LRRC7: variants seen among roughly 807,000 people sequenced by gnomAD.
LRRC7 encodes the protein leucine rich repeat containing 7.
A neutral mutation model predicts 175.7 loss-of-function variants in LRRC7; 23 were observed. The observed-to-expected ratio is 0.13, with a 90% CI of 0.09 to 0.19. LRRC7 has a LOEUF of 0.19. LRRC7 is among the 10% of genes least tolerant of loss of function. LRRC7 has a pLI of 1.00. For synonymous variants in LRRC7, 685 were observed against 680.9 expected, an observed-to-expected ratio of 1.01 and a Z score of -0.09; for missense variants, 1,354 against 1,904.7, an observed-to-expected ratio of 0.71 and a Z score of 5.38.
chr1:69,718,172 G>GAAAGAAAGAAAGAAAGAAAGA (rs762929332), intron 2 of LRRC7, among the ~76,000 whole-genome samples: 2 of 142,890 alleles, frequency 1.4e-5, no homozygotes, highest in African/African-American at 5.2e-5. Flanking sequence ...AAGAAAGAAA[G>GAAAGAAAGAAAGAAAGAAAGA]AAGAAAAGAA....
At chr1:69,623,712 G>A (rs949287566) in intron 1 of LRRC7, among the ~76,000 whole-genome samples, 5 of 151,952 alleles carry the variant, frequency 3.3e-5, no homozygotes, top group Non-Finnish European at 7.4e-5. Flanking sequence ...CAGCACGCCC[G>A]GCTAATTTTG....
At chr1:70,050,094 TGC>T (rs2102056612) in intron 22 of LRRC7, among the ~76,000 whole-genome samples, 1 of 147,918 alleles carries the variant, frequency 6.8e-6, no homozygotes, top group East Asian at 2.0e-4. Flanking sequence ...GTGACTACTG[TGC>T]ACACACATGT....
chr1:69,622,709 A>G (rs1200214772), intron 1 of LRRC7, among the ~76,000 whole-genome samples: 1 of 152,190 alleles, frequency 6.6e-6, no homozygotes, highest in Non-Finnish European at 1.5e-5. Flanking sequence ...TCAAGGTCTC[A>G]GGAGAAGTAA....
Position 70,089,796 on chromosome 1 carries a change from A to G in LRRC7, c.4522A>G (p.Asn1508Asp). The part of the protein sequence containing the change: ...SISGGISGQG[N>D]PFKPSDKGIF... ...CAGTGGTGGAATTAGTGGACAAGGA[A>G]ATCCATTCAAACCTTCTGACAAGGT... Residue 1508 changes from asparagine to aspartate, a missense_variant, in exon 25 of 27, where the codon AAT becomes GAT. Asn to Asp is a conservative substitution (Grantham distance 23). Coordinates refer to ENST00000651989, the MANE Select transcript of LRRC7 (RefSeq NM_001370785.2). The G allele has an allele frequency of 6.2e-7, 1 of 1,607,956 alleles. No individual in the cohort carries two copies. The highest frequency in any genetic ancestry group is 8.5e-7 in the Non-Finnish European group (1 of 1,175,614).
chr1:69,963,505 G>A (rs914046842), intron 8 of LRRC7, among the ~76,000 whole-genome samples: 2 of 152,114 alleles, frequency 1.3e-5, no homozygotes, highest in Non-Finnish European at 2.9e-5. Context: ...AAGGCCTAGT[G>A]GGGGCTTTGT....
chr1:69,821,212 C>T (rs1679254713), intron 4 of LRRC7, among the ~76,000 whole-genome samples: 1 of 151,976 alleles, frequency 6.6e-6, no homozygotes, highest in South Asian at 2.1e-4. Flanking sequence ...TTTCTATAAT[C>T]CTTATTTTAT....
At chr1:69,625,624 C>G (rs1241991842) in intron 1 of LRRC7, among the ~76,000 whole-genome samples, 2 of 152,016 alleles carry the variant, frequency 1.3e-5, no homozygotes, top group Non-Finnish European at 2.9e-5. Context: ...AAACACCTCA[C>G]AAGTTTGGCT....
At chr1:69,662,264 A>T (rs1195543817) in intron 1 of LRRC7, among the ~76,000 whole-genome samples, 1 of 116,318 alleles carries the variant, frequency 8.6e-6, no homozygotes, top group African/African-American at 2.7e-5. Context: ...CATTCATTCA[A>T]TCATTTAAAA....
rs1318366635 is a variant in LRRC7 at position 69,734,388 on chromosome 1, TATC to T, written c.101-25800_101-25798del. ...ACATAGCAAAGATTTTTTAAATAAA[TATC>T]ATTTTAATTAAAAAATTATAATACA... is the stretch of plus-strand genomic sequence containing the variant. On this transcript the variant is annotated intron_variant, in intron 2 of 26. Coordinates refer to ENST00000651989, the MANE Select transcript of LRRC7 (RefSeq NM_001370785.2). Among the ~76,000 whole-genome samples, 3 of 152,020 alleles carry T rather than the reference TATC, an allele frequency of 2.0e-5. No individual in the cohort carries two copies. In the East Asian group the frequency reaches 5.8e-4, roughly 29 times the overall value.
At chr1:69,970,043 A>G (rs1023000122) in intron 8 of LRRC7, among the ~76,000 whole-genome samples, 1 of 152,208 alleles carries the variant, frequency 6.6e-6, no homozygotes, top group African/African-American at 2.4e-5. Flanking sequence ...TGGGTCAAAA[A>G]CAAAATCAAG....
At chr1:69,708,425 C>T (rs922658610) in intron 2 of LRRC7, among the ~76,000 whole-genome samples, 30 of 152,022 alleles carry the variant, frequency 2.0e-4, no homozygotes, top group African/African-American at 7.2e-4. Flanking sequence ...TAAAATATAC[C>T]ACATACCTTA....
In LRRC7 at chr1:70,136,183, G is replaced by A. The variant is rs1248941777; in HGVS notation, c.*14296G>A. On this transcript the variant is annotated 3_prime_UTR_variant, in exon 27 of 27. Transcript: ENST00000651989. Reference sequence around the variant, plus strand: ...ATAGTTACTATCCCTGTCACCTAGGGCCCTAGGTCATCATAAACTACTCAA... The same window carrying A: ...ATAGTTACTATCCCTGTCACCTAGGACCCTAGGTCATCATAAACTACTCAA... Among the ~76,000 whole-genome samples, 1 of 151,368 alleles carries A rather than the reference G, an allele frequency of 6.6e-6. No individual in the cohort carries two copies. Among genetic ancestry groups the A allele is most frequent in the Non-Finnish European group, 1.5e-5 (1 of 67,912 alleles).
chr1:69,568,543 C>T lies in LRRC7; in HGVS notation c.-97C>T. ...TCTTCTCCTCCGAAGACCCTGGCGC[C>T]CACTCCACTGCGGACCCCTGAACAC... On this transcript the variant is annotated 5_prime_UTR_variant, in exon 1 of 27. Coordinates refer to ENST00000651989, the MANE Select transcript of LRRC7 (RefSeq NM_001370785.2). 8.3e-7 allele frequency: 1 copy of T among 1,205,530 alleles called. No individual in the cohort carries two copies. Among genetic ancestry groups the T allele is most frequent in the Non-Finnish European group, 1.1e-6 (1 of 900,670 alleles). 74.7% of individuals were successfully genotyped at this position (1,205,530 alleles called of 1,614,324 possible).
intron 21 of LRRC7, 96 bp from the exon 22 acceptor site, chr1:70,043,858 A>G: frequency 1.4e-6 from 2 of 1,415,424 alleles, no homozygotes; most frequent in Non-Finnish European, 1.9e-6. Context: ...TTGCCTGCCT[A>G]AAGTTAAATG....
At chr1:69,961,990 G>A (rs1651142990) in intron 8 of LRRC7, among the ~76,000 whole-genome samples, 1 of 151,966 alleles carries the variant, frequency 6.6e-6, no homozygotes, top group Non-Finnish European at 1.5e-5. Flanking sequence ...TTAACAAATG[G>A]GATCTAATTA....
At position 69,717,842 on chromosome 1, in the gene LRRC7, A is replaced by AAAG. The variant is rs1301538440; in HGVS notation, c.100+39367_100+39369dup. ...AGAAAGAAAGAAAGAAAGAAAGAAA[A>AAAG]AAGAAAGAAAGGAAAGAAAGAAAGA... On this transcript the variant is annotated intron_variant, in intron 2 of 26. Coordinates refer to ENST00000651989, the MANE Select transcript of LRRC7 (RefSeq NM_001370785.2). 2.5e-4 allele frequency among the ~76,000 whole-genome samples: 4 copies of AAAG among 16,064 alleles called. 1 individual carries two copies. Among genetic ancestry groups the AAAG allele is most frequent in the African/African-American group, 6.0e-4 (1 of 1,676 alleles). The allele number at this position is 16,064 out of a possible 152,430, so 10.5% of individuals were successfully genotyped here. A position where few individuals can be genotyped will look rare whatever the true frequency, so the allele number is the denominator to read the frequency against.
At chr1:69,922,996 T>G (rs1010053669) in intron 7 of LRRC7, among the ~76,000 whole-genome samples, 2 of 150,904 alleles carry the variant, frequency 1.3e-5, no homozygotes, top group African/African-American at 2.4e-5. Flanking sequence ...GTCCCCAGAG[T>G]GTGATGTTCC....
Position 70,119,028 on chromosome 1 carries a change from G to A in LRRC7, c.4621-2752G>A, listed in dbSNP as rs560612438. 4.0e-5 allele frequency among the ~76,000 whole-genome samples: 6 copies of A among 149,586 alleles called. No individual in the cohort carries two copies. In the East Asian group the frequency reaches 5.8e-4, roughly 15 times the overall value. On this transcript the variant is annotated intron_variant, in intron 26 of 26. Transcript: ENST00000651989. ...ATGCTAAAGCCTATGGTCTAAAGTC[G>A]CATGTTTTGGATTTGGTGCTTTTTT...
chr1:69,650,382 T>C (rs1006097271), intron 1 of LRRC7, among the ~76,000 whole-genome samples: 2 of 150,968 alleles, frequency 1.3e-5, no homozygotes, highest in Middle Eastern at 3.2e-3. Context: ...CTACTAAAAA[T>C]GAAAAAAATT....
Sources: gnomAD v4.1 joint callset for allele counts (sites outside exome capture counted in the v4.1 genomes callset) on GRCh38, gnomAD v4.1.1 for gene constraint, MANE v1.5 for transcripts, NCBI Gene and HGNC (gene_info 2026-07-23, HGNC 2026-07-21) for gene names.